Variants in APBA2 observed in about 807,000 individuals in gnomAD.
APBA2 encodes amyloid-beta A4 precursor protein-binding family A member 2.
Under a neutral mutation model 75.0 loss-of-function variants are expected in APBA2, and 30 were observed. The ratio of observed to expected loss-of-function variants is 0.40; its 90% confidence interval spans 0.30 to 0.54. The LOEUF (loss-of-function observed/expected upper bound fraction) is 0.54. Among genes scored for constraint, APBA2 ranks in the 20% least tolerant of loss-of-function variants. APBA2 has a pLI of 0.49. For missense variants in APBA2, 801 were observed against 1,016.1 expected (o/e 0.79, Z 2.88); for synonymous variants, 444 against 409.6 (o/e 1.08, Z -1.01).
At chr15:28,902,833 G>A (rs1489394046) in intron 1 of APBA2, among the ~76,000 whole-genome samples, 2 of 152,108 alleles carry the variant, frequency 1.3e-5, no homozygotes, top group African/African-American at 4.8e-5. Context: ...TCTGTCTCAG[G>A]ACCCTCACCT....
intron 6 of APBA2, among the ~76,000 whole-genome samples, chr15:29,081,892 G>T (rs746859584): frequency 6.6e-6 from 1 of 152,200 alleles, no homozygotes; most frequent in African/African-American, 2.4e-5. Flanking sequence ...TTATGGAGGC[G>T]GTTCCTGGCT....
intron 1 of APBA2, among the ~76,000 whole-genome samples, chr15:28,889,597 G>T (rs2031993087): frequency 6.6e-6 from 1 of 152,200 alleles, no homozygotes; most frequent in African/African-American, 2.4e-5. Context: ...GCCCTGGGTT[G>T]TCCCCACCCC....
At chr15:28,890,848 C>G (rs1446496093) in intron 1 of APBA2, among the ~76,000 whole-genome samples, 1 of 152,280 alleles carries the variant, frequency 6.6e-6, no homozygotes, top group South Asian at 2.1e-4. Flanking sequence ...AGCCTTGGGC[C>G]TGTGTGGCTT....
chr15:28,944,421 C>A (rs2035424186), intron 2 of APBA2, among the ~76,000 whole-genome samples: 1 of 152,214 alleles, frequency 6.6e-6, no homozygotes, highest in African/African-American at 2.4e-5. Context: ...GGGTCTCCAT[C>A]ACCCGCCTCA....
chr15:28,922,038 C>T (rs967495697), intron 2 of APBA2, among the ~76,000 whole-genome samples: 2 of 152,206 alleles, frequency 1.3e-5, no homozygotes, highest in Non-Finnish European at 2.9e-5. Context: ...AGTCTCACCT[C>T]GGAGATCCTG....
chr15:29,049,329 AC>A (rs2041488324), intron 3 of APBA2, among the ~76,000 whole-genome samples: 1 of 152,174 alleles, frequency 6.6e-6, no homozygotes, highest in South Asian at 2.1e-4. Flanking sequence ...TTGTGTGTTT[AC>A]ACTTTCTGAT....
intron 1 of APBA2, among the ~76,000 whole-genome samples, chr15:28,909,638 ATGCTGGGCACAGG>A (rs375611530): frequency 0.082 from 12,515 of 152,086 alleles, 1,019 homozygotes; most frequent in African/African-American, 0.21. Flanking sequence ...ATCGAGCTGG[ATGCTGGGCACAGG>A]TGCTGGGCAC....
chr15:28,920,581 G>A (rs773430441), intron 1 of APBA2, among the ~76,000 whole-genome samples: 2 of 152,208 alleles, frequency 1.3e-5, no homozygotes, highest in Non-Finnish European at 2.9e-5. Context: ...GAGTGGGCCC[G>A]TGGAGTGGGA....
chr15:29,059,404 G>A (rs145846842), intron 4 of APBA2, among the ~76,000 whole-genome samples: 94 of 152,230 alleles, frequency 6.2e-4, no homozygotes, highest in Non-Finnish European at 1.1e-3. Context: ...CTTCTGTAGC[G>A]TATGATGAAG....
intron 3 of APBA2, among the ~76,000 whole-genome samples, chr15:29,052,492 T>G (rs1357095036): frequency 6.6e-6 from 1 of 150,726 alleles, no homozygotes; most frequent in Non-Finnish European, 1.5e-5. Context: ...AAGCAAACTT[T>G]TGGACGTCCT....
intron 2 of APBA2, among the ~76,000 whole-genome samples, chr15:28,980,486 C>T (rs2037564388): frequency 6.6e-6 from 1 of 152,080 alleles, no homozygotes; most frequent in Admixed American, 6.5e-5. Context: ...TTTACAATCG[C>T]CACACACAAA....
intron 2 of APBA2, among the ~76,000 whole-genome samples, chr15:28,936,151 T>C (rs964523502): frequency 2.0e-5 from 3 of 152,206 alleles, no homozygotes; most frequent in Admixed American, 2.0e-4. Context: ...GCCCTGTACA[T>C]TTTAATGTGG....
At chr15:28,943,251 C>G (rs1938426796) in intron 2 of APBA2, among the ~76,000 whole-genome samples, 1 of 152,160 alleles carries the variant, frequency 6.6e-6, no homozygotes, top group Non-Finnish European at 1.5e-5. Context: ...TCTGGCCAGG[C>G]TACAGGGCTC....
At chr15:28,970,793 A>G (rs913769145) in intron 2 of APBA2, among the ~76,000 whole-genome samples, 1 of 151,974 alleles carries the variant, frequency 6.6e-6, no homozygotes, top group African/African-American at 2.4e-5. Flanking sequence ...AACAACAAGA[A>G]AAAACAAAGC....
At chr15:29,109,097 T>A (rs564959936) in intron 13 of APBA2, among the ~76,000 whole-genome samples, 5 of 152,140 alleles carry the variant, frequency 3.3e-5, no homozygotes, top group Non-Finnish European at 7.4e-5. Flanking sequence ...ATACCCAAAT[T>A]GTTTAAACCA....
At chr15:29,095,491 A>G (rs1308809898) in intron 8 of APBA2, among the ~76,000 whole-genome samples, 1 of 152,230 alleles carries the variant, frequency 6.6e-6, no homozygotes, top group East Asian at 1.9e-4. Context: ...CATTTAGTAA[A>G]TGCTAGAGCT....
At chr15:29,113,207 C>G (rs1445235636) in intron 13 of APBA2, among the ~76,000 whole-genome samples, 1 of 152,134 alleles carries the variant, frequency 6.6e-6, no homozygotes, top group Non-Finnish European at 1.5e-5. Flanking sequence ...CTCCCAGGCC[C>G]TCCTGTCCAT....
intron 4 of APBA2, among the ~76,000 whole-genome samples, chr15:29,059,213 ATATG>A (rs899738546): frequency 2.7e-4 from 41 of 150,914 alleles, no homozygotes; most frequent in African/African-American, 9.9e-4. Context: ...ATTTTTGTTG[ATATG>A]TGTGTGTGTG....
Position 28,969,180 on chromosome 15 carries a change from C to CTTTCTTTCTTTCCT in APBA2, c.-94-26570_-94-26569insCTTTCTTTCCTTTT, listed in dbSNP as rs1566855769. 2.3e-5 allele frequency among the ~76,000 whole-genome samples: 3 copies of CTTTCTTTCTTTCCT among 130,930 alleles called. No individual in the cohort carries two copies. In the South Asian group the frequency reaches 8.6e-4, roughly 38 times the overall value. 85.9% of individuals were successfully genotyped at this position (130,930 alleles called of 152,430 possible). A position where few individuals can be genotyped will look rare whatever the true frequency, so the allele number is the denominator to read the frequency against. ...TCTTTCTTTCTTTCTTTCTTTCTTT[C>CTTTCTTTCTTTCCT]TTTTTTTTATTTTTTATTTTTGAGA... On this transcript the variant is annotated intron_variant, in intron 2 of 14. Coordinates refer to ENST00000683413, the MANE Select transcript of APBA2 (RefSeq NM_001353788.2).
Sources: gnomAD v4.1 joint callset for allele counts (sites outside exome capture counted in the v4.1 genomes callset) on GRCh38, gnomAD v4.1.1 for gene constraint, MANE v1.5 for transcripts, NCBI Gene and HGNC (gene_info 2026-07-23, HGNC 2026-07-21) for gene names.